UNC80: variants seen among roughly 807,000 people sequenced by gnomAD.
The protein encoded by UNC80 is protein unc-80 homolog.
In UNC80, 164 loss-of-function variants were observed where a neutral mutation model predicts 384.6. The observed-to-expected ratio is 0.43, with a 90% CI of 0.38 to 0.49. The LOEUF is 0.49. Among genes scored for constraint, UNC80 ranks in the 20% least tolerant of loss-of-function variants. The probability of loss-of-function intolerance (pLI) is 0.00; values close to 1 mark genes in which losing one functional copy is unlikely to be tolerated. For missense variants in UNC80, 3,330 were observed against 4,143.0 expected, an observed-to-expected ratio of 0.80 and a Z score of 5.39; for synonymous variants, 1,486 against 1,527.8, an observed-to-expected ratio of 0.97 and a Z score of 0.64.
intron 35 of UNC80, among the ~76,000 whole-genome samples, chr2:209,924,330 A>G (rs1363296396): frequency 6.6e-6 from 1 of 152,196 alleles, no homozygotes; most frequent in Non-Finnish European, 1.5e-5. Flanking sequence ...TAAAGTCCAT[A>G]ATAAGCCTTT....
intron 22 of UNC80, among the ~76,000 whole-genome samples, chr2:209,851,836 G>A (rs960919290): frequency 5.3e-5 from 8 of 152,048 alleles, no homozygotes; most frequent in African/African-American, 1.9e-4. Context: ...TATCTTCCAA[G>A]CCCTTCAGTT....
chr2:209,955,724 TATATATATATATATACACAC>T (rs1452896240), intron 48 of UNC80, among the ~76,000 whole-genome samples: 4 of 80,850 alleles, frequency 4.9e-5, no homozygotes, highest in African/African-American at 3.4e-4. Flanking sequence ...TATATATATA[TATATATATATATATACACAC>T]ACACACACAC....
At chr2:209,962,745 C>T (rs922097372) in intron 51 of UNC80, among the ~76,000 whole-genome samples, 3 of 152,288 alleles carry the variant, frequency 2.0e-5, no homozygotes, top group South Asian at 4.1e-4. Context: ...TAGAGACATT[C>T]TGTGTTGCTG....
At chr2:209,803,965 G>A (rs946846512) in intron 7 of UNC80, among the ~76,000 whole-genome samples, 2 of 152,148 alleles carry the variant, frequency 1.3e-5, no homozygotes, top group Admixed American at 6.5e-5. Flanking sequence ...TTGAACCCCT[G>A]GCCTCAAGTG....
intron 7 of UNC80, among the ~76,000 whole-genome samples, chr2:209,806,957 C>A (rs1017150902): frequency 6.6e-5 from 10 of 152,284 alleles, no homozygotes; most frequent in African/African-American, 2.4e-4. Context: ...CAGGTCTCAA[C>A]CCTAATTAAT....
At chr2:209,984,774 A>G in intron 60 of UNC80, 82 bp from the exon 61 acceptor site, 1 of 1,365,938 alleles carries the variant, frequency 7.3e-7, no homozygotes, top group South Asian at 1.4e-5. Context: ...TTGGAAGCAG[A>G]AAATTGCATG....
At chr2:209,855,753 T>G (rs1480574782) in intron 22 of UNC80, among the ~76,000 whole-genome samples, 1 of 152,172 alleles carries the variant, frequency 6.6e-6, no homozygotes, top group Non-Finnish European at 1.5e-5. Context: ...TAGGAAGTCA[T>G]GCTATCCTCT....
intron 20 of UNC80, 85 bp from the exon 21 acceptor site, chr2:209,842,265 C>A (rs1386443487): frequency 1.0e-6 from 1 of 993,142 alleles, no homozygotes. Context: ...GTAAACAACT[C>A]ATTTTCAAGT....
At position 209,789,575 on chromosome 2, in the gene UNC80, A is replaced by C. The variant is rs2153825476; in HGVS notation, c.768A>C (p.Glu256Asp). 6.2e-7 allele frequency: 1 copy of C among 1,613,542 alleles called. No individual in the cohort carries two copies. The highest frequency in any genetic ancestry group is 2.2e-5 in the East Asian group (1 of 44,846). Residue 256 changes from glutamate to aspartate, a missense_variant, in exon 6 of 65, where the codon GAA becomes GAC. This residue lies in a region of UNC80 where 937 missense variants were observed against 1,026.8 expected (regional missense o/e 0.91). Coordinates refer to ENST00000673920, the MANE Select transcript of UNC80 (RefSeq NM_001371986.1). ...TCAACAGTCAAAGCCGGACCTGTGA[A>C]TCACCAAATCAAGATGCAAGACACT... ...SPINSQSRTC[E>D]SPNQDARHLE... is the part of the protein sequence containing the mutation.
intron 55 of UNC80, 32 bp downstream of exon 55, chr2:209,972,356 A>G (rs776506690): frequency 6.5e-7 from 1 of 1,546,798 alleles, no homozygotes; most frequent in Non-Finnish European, 8.7e-7. Context: ...GAAATTTATC[A>G]TTGTTGTTGT....
chr2:209,834,389 T>C (rs1414988480), intron 17 of UNC80, among the ~76,000 whole-genome samples: 1 of 152,226 alleles, frequency 6.6e-6, no homozygotes, highest in Non-Finnish European at 1.5e-5. Context: ...AGCTCAGTTG[T>C]TCTTAAATTT....
At chr2:209,858,922 G>A (rs2083147709) in intron 22 of UNC80, among the ~76,000 whole-genome samples, 2 of 151,084 alleles carry the variant, frequency 1.3e-5, no homozygotes, top group Non-Finnish European at 3.0e-5. Flanking sequence ...ATTGTGTTAG[G>A]GTTTATTTCT....
chr2:209,868,882 G>A (rs1161248626), intron 22 of UNC80, among the ~76,000 whole-genome samples: 1 of 152,140 alleles, frequency 6.6e-6, no homozygotes, highest in Non-Finnish European at 1.5e-5. Flanking sequence ...TTGCTTGTCT[G>A]GAAACTACGA....
chr2:209,942,855 T>TACACACACAC (rs10584249), intron 44 of UNC80, among the ~76,000 whole-genome samples: 29 of 145,788 alleles, frequency 2.0e-4, no homozygotes, highest in African/African-American at 7.4e-4. Flanking sequence ...CACTCTTTCC[T>TACACACACAC]ACACACACAC....
chr2:209,793,970 TATG>T lies in UNC80; in HGVS notation c.938+112_938+114del, dbSNP rs1440282226. Reference sequence around the variant, plus strand: ...TTCCTTAAAATATGTATTTGCATAATATGTGTATACATATTCTTGGTCAAAGTA... The same window carrying T: ...TTCCTTAAAATATGTATTTGCATAATTGTATACATATTCTTGGTCAAAGTA... On this transcript the variant is annotated intron_variant, in intron 7 of 64. Transcript: ENST00000673920. 4 of 1,283,284 alleles carry T rather than the reference TATG, an allele frequency of 3.1e-6. No homozygotes were observed. In the African/African-American group the frequency reaches 5.9e-5, roughly 19 times the overall value. 79.5% of individuals were successfully genotyped at this position (1,283,284 alleles called of 1,614,324 possible).
At chr2:209,863,289 G>T (rs2083473265) in intron 22 of UNC80, among the ~76,000 whole-genome samples, 1 of 152,118 alleles carries the variant, frequency 6.6e-6, no homozygotes. Flanking sequence ...TTCCACCTTG[G>T]AGAATCTGAT....
chr2:209,868,827 C>T (rs578131187), intron 22 of UNC80, among the ~76,000 whole-genome samples: 1 of 152,260 alleles, frequency 6.6e-6, no homozygotes, highest in South Asian at 2.1e-4. Context: ...TTAGAAATTT[C>T]ATAGGTTCAA....
intron 49 of UNC80, among the ~76,000 whole-genome samples, 188 bp downstream of exon 49, chr2:209,957,924 A>C (rs2092469748): frequency 6.6e-6 from 1 of 152,210 alleles, no homozygotes; most frequent in East Asian, 1.9e-4. Flanking sequence ...TGTCAAAGAG[A>C]AATCTAAACC....
At chr2:209,902,895 C>A (rs2087577651) in intron 28 of UNC80, among the ~76,000 whole-genome samples, 1 of 139,896 alleles carries the variant, frequency 7.1e-6, no homozygotes, top group Non-Finnish European at 1.5e-5. Context: ...CAAGGTATGC[C>A]TGTATACACG....
Sources: allele counts gnomAD v4.1 joint callset (sites outside exome capture counted in the v4.1 genomes callset), GRCh38; gene constraint gnomAD v4.1.1; regional missense constraint gnomAD v4.1.1; transcripts MANE v1.5; gene names NCBI Gene and HGNC (gene_info 2026-07-23, HGNC 2026-07-21).